The following SEL1L variants were observed in gnomAD, a reference collection of about 807,000 sequenced individuals.
SEL1L encodes the protein protein sel-1 homolog 1.
A neutral mutation model predicts 109.8 loss-of-function variants in SEL1L; 52 were observed. The ratio of observed to expected loss-of-function variants is 0.47; its 90% CI spans 0.38 to 0.60. The LOEUF is 0.60. SEL1L is among the 20% of genes least tolerant of loss of function. The pLI, the probability that SEL1L is intolerant of heterozygous loss-of-function variation, is 0.00. For missense variants in SEL1L, 749 were observed against 962.2 expected (o/e 0.78, Z 2.93); for synonymous variants, 373 against 339.6 (o/e 1.10, Z -1.08).
At chr14:81,492,800 C>A (rs547974743) in intron 11 of SEL1L, among the ~76,000 whole-genome samples, 2 of 152,290 alleles carry the variant, frequency 1.3e-5, no homozygotes, top group Non-Finnish European at 2.9e-5. Context: ...TCTTGTGCTG[C>A]CTAAACGTAA....
At chr14:81,533,614 C>G (rs952574912) in intron 1 of SEL1L, 61 bp downstream of exon 1, 1 of 1,541,128 alleles carries the variant, frequency 6.5e-7, no homozygotes, top group Non-Finnish European at 8.9e-7. Context: ...ACGGCCCCGC[C>G]GGCTGTAGAG....
intron 3 of SEL1L, among the ~76,000 whole-genome samples, chr14:81,516,608 G>C (rs2140044322): frequency 6.6e-6 from 1 of 152,306 alleles, no homozygotes; most frequent in East Asian, 1.9e-4. Flanking sequence ...TTATAAAAGT[G>C]TACGGAGCCC....
At chr14:81,532,013 C>T (rs534971173) in intron 1 of SEL1L, among the ~76,000 whole-genome samples, 1 of 152,322 alleles carries the variant, frequency 6.6e-6, no homozygotes, top group East Asian at 1.9e-4. Flanking sequence ...TGAATACAGT[C>T]CTCTACCTAC....
intron 3 of SEL1L, among the ~76,000 whole-genome samples, chr14:81,513,359 C>T (rs1050792943): frequency 2.0e-5 from 3 of 152,102 alleles, no homozygotes; most frequent in Non-Finnish European, 2.9e-5. Context: ...TCTTTGGGTC[C>T]GCACTACCTT....
chr14:81,479,644 C>T lies in SEL1L; in HGVS notation c.2143G>A (p.Val715Ile), dbSNP rs372243546. Residue 715 changes from valine (V) to isoleucine (I), a missense_variant, in exon 20 of 21, where the codon GTC becomes ATC. By Grantham distance (29) the Val-to-Ile change is conservative. Transcript: ENST00000336735. ...VFLALCKLGVVYFLQYIRETN... is the reference protein window; with the variant it reads ...VFLALCKLGVIYFLQYIRETN... ...TCCCGTATGTACTGCAAGAAATAGA[C>T]GACGCCCAATTTGCAGAGGGCTAGG... is the stretch of plus-strand genomic sequence containing the variant. 54 of 1,613,492 alleles carry T rather than the reference C, an allele frequency of 3.3e-5. No homozygotes were observed. The African/African-American group carries it at 4.0e-4, about 12-fold the overall frequency.
chr14:81,507,847 A>G (rs1486811225), intron 3 of SEL1L, among the ~76,000 whole-genome samples: 1 of 152,188 alleles, frequency 6.6e-6, no homozygotes, highest in Non-Finnish European at 1.5e-5. Flanking sequence ...TTAATTGGGT[A>G]GCAGAGCTCG....
intron 14 of SEL1L, 80 bp from the exon 15 acceptor site, chr14:81,488,022 G>T: frequency 9.3e-7 from 1 of 1,073,576 alleles, no homozygotes; most frequent in South Asian, 1.5e-5. Flanking sequence ...TTAAAAAAAT[G>T]AACAAAGCAT....
intron 19 of SEL1L, among the ~76,000 whole-genome samples, chr14:81,480,835 C>T (rs1432997841): frequency 6.6e-6 from 1 of 152,194 alleles, no homozygotes; most frequent in Non-Finnish European, 1.5e-5. Context: ...TGAGAATAGG[C>T]CTGTATGCAC....
At chr14:81,485,185 C>T (rs1037285267) in intron 18 of SEL1L, among the ~76,000 whole-genome samples, 2 of 152,166 alleles carry the variant, frequency 1.3e-5, no homozygotes, top group African/African-American at 4.8e-5. Flanking sequence ...GACTTTACAA[C>T]CCAATTTAGA....
chr14:81,481,761 A>G (rs572462344), intron 19 of SEL1L, among the ~76,000 whole-genome samples: 1 of 152,296 alleles, frequency 6.6e-6, no homozygotes, highest in East Asian at 1.9e-4. Context: ...GACCGCGTGC[A>G]GTGGCTCACG....
At chr14:81,512,974 A>C (rs1184233268) in intron 3 of SEL1L, among the ~76,000 whole-genome samples, 2 of 152,198 alleles carry the variant, frequency 1.3e-5, no homozygotes, top group Non-Finnish European at 2.9e-5. Flanking sequence ...TCCCACTGAG[A>C]GGTGAAGCCA....
chr14:81,526,790 C>G lies in SEL1L; in HGVS notation c.283G>C (p.Glu95Gln). The G allele has an allele frequency of 6.2e-7, 1 of 1,608,952 alleles. No homozygotes were observed. Among genetic ancestry groups the G allele is most frequent in the Non-Finnish European group, 8.5e-7 (1 of 1,178,616 alleles). The change falls in exon 3 of 21, where the codon GAG becomes CAG. Residue 95 changes from glutamate (E) to glutamine (Q), a missense_variant. By Grantham distance (29) the Glu-to-Gln change is conservative. Around this residue, in one of 2 missense-constraint regions of SEL1L, gnomAD observed 366 missense variants for 399.8 expected, o/e 0.92. Coordinates refer to ENST00000336735, the MANE Select transcript of SEL1L (RefSeq NM_005065.6). ...ESVTEDISFL[E>Q]SPNPENKDYE... is the part of the protein sequence containing the mutation. Reference sequence around the variant, plus strand: ...TCCTTGTTTTCTGGATTTGGAGACTCTAGAAAGCTGATATCTTCTGTGACA... The same window carrying G: ...TCCTTGTTTTCTGGATTTGGAGACTGTAGAAAGCTGATATCTTCTGTGACA...
intron 6 of SEL1L, 147 bp downstream of exon 6, chr14:81,502,574 A>G: frequency 2.6e-6 from 2 of 767,272 alleles, no homozygotes; most frequent in Non-Finnish European, 4.2e-6. Context: ...AAGACTATCC[A>G]AGAAGACTGA....
chr14:81,526,421 C>G (rs1210539406), intron 3 of SEL1L, among the ~76,000 whole-genome samples: 1 of 152,078 alleles, frequency 6.6e-6, no homozygotes, highest in Non-Finnish European at 1.5e-5. Context: ...GCTACCCTGA[C>G]ATATTATTTT....
intron 9 of SEL1L, among the ~76,000 whole-genome samples, 157 bp from the exon 10 acceptor site, chr14:81,498,203 TAATA>T (rs1312486534): frequency 1.3e-5 from 2 of 152,208 alleles, no homozygotes; most frequent in Admixed American, 6.5e-5. Flanking sequence ...AGTAATCTAT[TAATA>T]AATTGAACTT....
chr14:81,499,389 G>A, intron 8 of SEL1L, 70 bp downstream of exon 8: 2 of 1,566,022 alleles, frequency 1.3e-6, no homozygotes, highest in South Asian at 1.2e-5. Context: ...AGCTGAAAAA[G>A]TTGTGGCCGC....
chr14:81,513,579 A>T (rs180712193), intron 3 of SEL1L, among the ~76,000 whole-genome samples: 142 of 152,294 alleles, frequency 9.3e-4, no homozygotes, highest in African/African-American at 3.3e-3. Flanking sequence ...GCACCCACGA[A>T]GGGACAATCA....
At chr14:81,505,953 G>A in intron 4 of SEL1L, 121 bp downstream of exon 4, 1 of 917,718 alleles carries the variant, frequency 1.1e-6, no homozygotes, top group Non-Finnish European at 1.6e-6. Context: ...AGGCTGTAAT[G>A]ACATCAGCAA....
At chr14:81,503,516 T>A (rs1406804090) in intron 5 of SEL1L, among the ~76,000 whole-genome samples, 1 of 152,130 alleles carries the variant, frequency 6.6e-6, no homozygotes, top group Non-Finnish European at 1.5e-5. Flanking sequence ...TTTTTAAATT[T>A]TTTTTAGAGA....
Sources: gnomAD v4.1 joint callset for allele counts (sites outside exome capture counted in the v4.1 genomes callset) on GRCh38, gnomAD v4.1.1 for gene constraint, gnomAD v4.1.1 regional missense constraint, MANE v1.5 for transcripts, NCBI Gene and HGNC (gene_info 2026-07-23, HGNC 2026-07-21) for gene names.